The following SEC14L2 variants were observed in gnomAD, a reference collection of about 807,000 sequenced individuals.
SEC14L2 encodes the protein SEC14 like lipid binding 2, also known as SEC14-like protein 2.
In SEC14L2, 50 loss-of-function variants were observed where a neutral mutation model predicts 56.9. The ratio of observed to expected loss-of-function variants is 0.88; its 90% CI spans 0.70 to 1.11. SEC14L2 has a LOEUF of 1.11. Among genes scored for constraint, SEC14L2 ranks in the 50% most tolerant of loss-of-function variants. The probability of loss-of-function intolerance (pLI) is 0.00; values close to 1 mark genes in which losing one functional copy is unlikely to be tolerated. For synonymous variants in SEC14L2, 179 were observed against 188.5 expected, an observed-to-expected ratio of 0.95 and a Z score of 0.41; for missense variants, 414 against 500.7, an observed-to-expected ratio of 0.83 and a Z score of 1.65.
intron 11 of SEC14L2, among the ~76,000 whole-genome samples, chr22:30,421,991 T>C (rs540112902): frequency 6.6e-6 from 1 of 152,218 alleles, no homozygotes; most frequent in Non-Finnish European, 1.5e-5. Context: ...GCGTTTCACA[T>C]GATTTCAGTC....
intron 8 of SEC14L2, among the ~76,000 whole-genome samples, chr22:30,414,416 G>C (rs1020879390): frequency 2.0e-5 from 3 of 152,128 alleles, no homozygotes; most frequent in African/African-American, 7.2e-5. Context: ...TTTCAACAGA[G>C]GGGGGAGATT....
rs1601778892 is a variant in SEC14L2 at position 30,409,490 on chromosome 22, A to C, written c.580+4A>C. 1.2e-6 allele frequency: 2 copies of C among 1,613,936 alleles called. No individual in the cohort carries two copies. The highest frequency in any genetic ancestry group is 1.7e-6 in the Non-Finnish European group (2 of 1,179,830). On this transcript the variant is annotated splice_donor_region_variant and intron_variant, in intron 7 of 11. Coordinates refer to ENST00000615189, the MANE Select transcript of SEC14L2 (RefSeq NM_012429.5). ...AAGCGTCTTTTTGTTGTTAAAGGTA[A>C]GTTGGGAATTTCTTGTGATAAAGCC... is the stretch of plus-strand genomic sequence containing the variant.
At chr22:30,401,116 G>T (rs1357051349) in intron 2 of SEC14L2, among the ~76,000 whole-genome samples, 1 of 151,520 alleles carries the variant, frequency 6.6e-6, no homozygotes, top group Non-Finnish European at 1.5e-5. Flanking sequence ...TTGAGACAGG[G>T]TCTCACTCTG....
chr22:30,417,392 A>G (rs1278321622), intron 11 of SEC14L2, among the ~76,000 whole-genome samples: 2 of 152,032 alleles, frequency 1.3e-5, no homozygotes, highest in Non-Finnish European at 2.9e-5. Context: ...CCATACCTAC[A>G]CTCCCTTCAA....
At chr22:30,405,076 AAAAG>A (rs1420127171) in intron 2 of SEC14L2, among the ~76,000 whole-genome samples, 2 of 151,938 alleles carry the variant, frequency 1.3e-5, no homozygotes, top group Admixed American at 6.6e-5. Flanking sequence ...CTCAAAAAAA[AAAAG>A]AAAAGAAAAG....
rs1934188187 is a variant in SEC14L2, at chr22:30,409,407, A to G, written c.520-19A>G. Reference sequence around the variant, plus strand: ...AGATTCTGAGCCTGCTGGAATCAAGAGTGATTTTGTTTCCACAGTTTCTCT... The same window carrying G: ...AGATTCTGAGCCTGCTGGAATCAAGGGTGATTTTGTTTCCACAGTTTCTCT... On this transcript the variant is annotated intron_variant, in intron 6 of 11. Coordinates refer to ENST00000615189, the MANE Select transcript of SEC14L2 (RefSeq NM_012429.5). 1 of 1,613,776 alleles carries G rather than the reference A, an allele frequency of 6.2e-7. No individual in the cohort carries two copies. Among genetic ancestry groups the G allele is most frequent in the Non-Finnish European group, 8.5e-7 (1 of 1,179,684 alleles).
intron 11 of SEC14L2, 22 bp from the exon 12 acceptor site, chr22:30,422,255 T>C (rs1193286676): frequency 1.2e-6 from 2 of 1,613,686 alleles, no homozygotes; most frequent in South Asian, 2.2e-5. Flanking sequence ...TGAATGTCTG[T>C]CTGGTTTCTG....
intron 2 of SEC14L2, among the ~76,000 whole-genome samples, chr22:30,405,634 C>T (rs979738208): frequency 2.0e-5 from 3 of 152,122 alleles, no homozygotes; most frequent in Admixed American, 2.0e-4. Context: ...CTGGGATGTT[C>T]TGCCAGCTCT....
At chr22:30,416,175 G>T in intron 10 of SEC14L2, 59 bp from the exon 11 acceptor site, 2 of 1,608,720 alleles carry the variant, frequency 1.2e-6, no homozygotes, top group Non-Finnish European at 1.7e-6. Flanking sequence ...CTGGTGCCAG[G>T]ACCCCGGAGA....
At chr22:30,421,288 A>T (rs1372892340) in intron 11 of SEC14L2, 2 of 152,226 alleles carry the variant, frequency 1.3e-5, no homozygotes, top group African/African-American at 4.8e-5. Flanking sequence ...TCCCATTAGG[A>T]CAAGCACCAG....
chr22:30,422,173 T>C (rs771143309), intron 11 of SEC14L2, 104 bp from the exon 12 acceptor site: 43 of 1,427,914 alleles, frequency 3.0e-5, no homozygotes, highest in Non-Finnish European at 4.1e-5. Context: ...CCCCATGACC[T>C]GCCACACTGC....
At chr22:30,397,305 A>C (rs1933782170) in intron 1 of SEC14L2, 135 bp downstream of exon 1, 1 of 828,266 alleles carries the variant, frequency 1.2e-6, no homozygotes, top group Non-Finnish European at 1.8e-6. Context: ...CGGCTGTCCC[A>C]GCCTGGCCCG....
intron 10 of SEC14L2, 39 bp downstream of exon 10, chr22:30,416,126 T>C (rs1934384084): frequency 2.5e-6 from 4 of 1,613,180 alleles, no homozygotes; most frequent in East Asian, 4.5e-5. Flanking sequence ...CGAGCTTTCA[T>C]CTATAGGTCC....
chr22:30,404,140 C>T (rs369187716), intron 2 of SEC14L2, among the ~76,000 whole-genome samples: 14 of 151,462 alleles, frequency 9.2e-5, no homozygotes, highest in African/African-American at 3.2e-4. Context: ...CAGTGCCTTG[C>T]ATCTTCCAAG....
In SEC14L2 at chr22:30,415,306, G is replaced by A. The variant is rs187949948; in HGVS notation, c.665-453G>A. 4.3e-4 allele frequency among the ~76,000 whole-genome samples: 65 copies of A among 152,218 alleles called. No individual in the cohort carries two copies. The Middle Eastern group carries it at 0.014, about 32-fold the overall frequency. On this transcript the variant is annotated intron_variant, in intron 8 of 11. Transcript: ENST00000615189. ...AAATTAGCTGGGTGTGGTGTCGGGCGCCTGTTGTCCTAGCTTCTCAGGAGG... is the reference window on the plus strand; with the variant it reads ...AAATTAGCTGGGTGTGGTGTCGGGCACCTGTTGTCCTAGCTTCTCAGGAGG...
At position 30,423,024 on chromosome 22, in the gene SEC14L2, A is replaced by G. The variant is rs1432102488; in HGVS notation, c.*617A>G. 2 of 152,654 alleles carry G rather than the reference A, an allele frequency of 1.3e-5. No individual in the cohort carries two copies. The highest frequency in any genetic ancestry group is 2.9e-5 in the Non-Finnish European group (2 of 68,084). The allele number at this position is 152,654 out of a possible 1,614,324, so 9.5% of individuals were successfully genotyped here. A position where few individuals can be genotyped will look rare whatever the true frequency, so the allele number is the denominator to read the frequency against. ...TTGAGACTTTGGCAACTCCTGGGCCACACGGCCTGCCTCTTTGATTACTAA... is the reference window on the plus strand; with the variant it reads ...TTGAGACTTTGGCAACTCCTGGGCCGCACGGCCTGCCTCTTTGATTACTAA... On this transcript the variant is annotated 3_prime_UTR_variant, in exon 12 of 12. Coordinates refer to ENST00000615189, the MANE Select transcript of SEC14L2 (RefSeq NM_012429.5).
chr22:30,398,498 T>C lies in SEC14L2; in HGVS notation c.55-1145T>C, dbSNP rs182845109. The C allele has an allele frequency of 3.6e-5, 13 of 356,530 alleles. No individual in the cohort carries two copies. The Admixed American group carries it at 4.6e-4, about 13-fold the overall frequency. 22.1% of individuals were successfully genotyped at this position (356,530 alleles called of 1,614,324 possible). ...GGCTCAGGGAGGGCATATAGGGGCCTGTTCGCCTACCAGGGAGTGAGAGGT... is the reference window on the plus strand; with the variant it reads ...GGCTCAGGGAGGGCATATAGGGGCCCGTTCGCCTACCAGGGAGTGAGAGGT... On this transcript the variant is annotated intron_variant, in intron 1 of 11. Transcript: ENST00000615189.
At position 30,397,026 on chromosome 22, in the gene SEC14L2, T is replaced by C; in HGVS notation, c.-91T>C. 1.6e-6 allele frequency: 2 copies of C among 1,213,954 alleles called. No homozygotes were observed. Among genetic ancestry groups the C allele is most frequent in the Non-Finnish European group, 1.2e-6 (1 of 849,622 alleles). The allele number at this position is 1,213,954 out of a possible 1,614,324, so 75.2% of individuals were successfully genotyped here. A position where few individuals can be genotyped will look rare whatever the true frequency, so the allele number is the denominator to read the frequency against. ...CCCGGGCAAAAGGCTGGGACTTTAC[T>C]CCGGGTGGCGGCGAGGACGAGTCTG... On this transcript the variant is annotated 5_prime_UTR_variant, in exon 1 of 12. Transcript: ENST00000615189.
intron 5 of SEC14L2, among the ~76,000 whole-genome samples, chr22:30,408,152 A>G (rs1036533235): frequency 6.6e-6 from 1 of 151,728 alleles, no homozygotes; most frequent in African/African-American, 2.4e-5. Flanking sequence ...ATTTAGCTTC[A>G]TAAAAAACTC....
Sources: gnomAD v4.1 joint callset for allele counts (sites outside exome capture counted in the v4.1 genomes callset) on GRCh38, gnomAD v4.1.1 for gene constraint, MANE v1.5 for transcripts, NCBI Gene and HGNC (gene_info 2026-07-23, HGNC 2026-07-21) for gene names.